Variants in VPS13B observed in about 807,000 individuals in gnomAD.
VPS13B encodes vacuolar protein sorting 13 homolog B.
Under a neutral mutation model 426.4 loss-of-function variants are expected in VPS13B, and 285 were observed. The observed-to-expected ratio is 0.67, with a 90% CI of 0.61 to 0.74. The LOEUF is 0.74. Ranked by LOEUF, VPS13B falls within the 30% of genes least tolerant of loss-of-function variation. The pLI is 0.00. For missense variants in VPS13B, 4,537 were observed against 4,782.6 expected (o/e 0.95, Z 1.51); for synonymous variants, 1,676 against 1,676.4 (o/e 1.00, Z 0.01).
chr8:99,255,064 T>C (rs1001855026), intron 17 of VPS13B, among the ~76,000 whole-genome samples: 2 of 152,176 alleles, frequency 1.3e-5, no homozygotes, highest in African/African-American at 2.4e-5. Context: ...TGTTTTTTTT[T>C]CTATATTTCA....
At chr8:99,851,256 A>G (rs1816279894) in intron 55 of VPS13B, among the ~76,000 whole-genome samples, 1 of 152,212 alleles carries the variant, frequency 6.6e-6, no homozygotes, top group Admixed American at 6.5e-5. Context: ...CATTCAACAA[A>G]TGTTTTTCAA....
At chr8:99,526,374 T>G (rs1047995063) in intron 30 of VPS13B, among the ~76,000 whole-genome samples, 1 of 152,180 alleles carries the variant, frequency 6.6e-6, no homozygotes, top group African/African-American at 2.4e-5. Context: ...ACGTGATTCT[T>G]TTTATACTTA....
intron 17 of VPS13B, among the ~76,000 whole-genome samples, chr8:99,208,764 T>G (rs909105900): frequency 2.6e-5 from 4 of 152,224 alleles, no homozygotes; most frequent in African/African-American, 7.2e-5. Context: ...AGTCCTTTAC[T>G]TTCACAGGAA....
intron 34 of VPS13B, among the ~76,000 whole-genome samples, chr8:99,646,719 A>G (rs1287246298): frequency 6.6e-6 from 1 of 152,176 alleles, no homozygotes; most frequent in Non-Finnish European, 1.5e-5. Flanking sequence ...CAGATTCCTC[A>G]TGAATGGTTT....
intron 21 of VPS13B, among the ~76,000 whole-genome samples, chr8:99,395,268 A>G (rs541341695): frequency 6.6e-6 from 1 of 152,352 alleles, no homozygotes; most frequent in East Asian, 1.9e-4. Context: ...AGCTATGCAG[A>G]GAAAGAGCCC....
chr8:99,733,987 A>G (rs780995775), intron 39 of VPS13B, among the ~76,000 whole-genome samples: 2 of 152,302 alleles, frequency 1.3e-5, no homozygotes, highest in Non-Finnish European at 2.9e-5. Flanking sequence ...TTATCACCTC[A>G]AAAAGAAACT....
intron 19 of VPS13B, among the ~76,000 whole-genome samples, chr8:99,281,799 C>T (rs1033664000): frequency 1.3e-5 from 2 of 152,160 alleles, no homozygotes; most frequent in Admixed American, 6.5e-5. Flanking sequence ...TGTTCCCCTC[C>T]TCGAAGATGT....
intron 25 of VPS13B, among the ~76,000 whole-genome samples, chr8:99,496,026 G>A (rs1444836968): frequency 1.3e-5 from 2 of 152,068 alleles, no homozygotes; most frequent in African/African-American, 2.4e-5. Flanking sequence ...GCATGGATGT[G>A]CGTATAAACA....
intron 4 of VPS13B, among the ~76,000 whole-genome samples, chr8:99,098,170 A>T (rs911386424): frequency 6.6e-6 from 1 of 151,908 alleles, no homozygotes; most frequent in Non-Finnish European, 1.5e-5. Context: ...TTCCCATCTC[A>T]TGCCTACTAT....
At chr8:99,601,029 TG>T (rs1256196209) in intron 33 of VPS13B, among the ~76,000 whole-genome samples, 1 of 152,158 alleles carries the variant, frequency 6.6e-6, no homozygotes, top group Non-Finnish European at 1.5e-5. Context: ...CTTTAAGTTC[TG>T]GGATACATGT....
At chr8:99,351,258 C>T (rs1811862104) in intron 19 of VPS13B, among the ~76,000 whole-genome samples, 1 of 152,144 alleles carries the variant, frequency 6.6e-6, no homozygotes, top group Admixed American at 6.5e-5. Flanking sequence ...TAATCAATCC[C>T]TTTCATGTAT....
At chr8:99,337,963 T>TC (rs1174316696) in intron 19 of VPS13B, among the ~76,000 whole-genome samples, 1 of 152,156 alleles carries the variant, frequency 6.6e-6, no homozygotes, top group East Asian at 1.9e-4. Flanking sequence ...GAAAAGACTT[T>TC]CCCCATTCAG....
chr8:99,316,686 G>A (rs1383693759), intron 19 of VPS13B, among the ~76,000 whole-genome samples: 3 of 152,056 alleles, frequency 2.0e-5, no homozygotes, highest in Non-Finnish European at 4.4e-5. Flanking sequence ...TTCCTTTCTT[G>A]TGTTTTTTCT....
chr8:99,043,909 T>C (rs944244484), intron 3 of VPS13B, among the ~76,000 whole-genome samples: 1 of 152,136 alleles, frequency 6.6e-6, no homozygotes, highest in African/African-American at 2.4e-5. Flanking sequence ...TATCTCACTT[T>C]AACAGTATTC....
intron 16 of VPS13B, among the ~76,000 whole-genome samples, chr8:99,171,588 C>T (rs1275373760): frequency 6.6e-6 from 1 of 151,878 alleles, no homozygotes; most frequent in African/African-American, 2.4e-5. Flanking sequence ...TCAAATGTTA[C>T]TTAAAATATG....
intron 39 of VPS13B, among the ~76,000 whole-genome samples, chr8:99,741,814 C>T (rs1019042906): frequency 8.5e-5 from 13 of 152,122 alleles, no homozygotes; most frequent in Non-Finnish European, 1.5e-4. Context: ...CTCTGGGACA[C>T]ATTCAAAGCA....
intron 35 of VPS13B, among the ~76,000 whole-genome samples, chr8:99,672,974 G>A (rs1191776187): frequency 6.6e-6 from 1 of 151,798 alleles, no homozygotes; most frequent in African/African-American, 2.4e-5. Context: ...GATCATACCT[G>A]TGATGACACC....
At chr8:99,839,828 G>A (rs1013300606) in intron 54 of VPS13B, among the ~76,000 whole-genome samples, 1 of 152,176 alleles carries the variant, frequency 6.6e-6, no homozygotes, top group African/African-American at 2.4e-5. Flanking sequence ...ATCCAGTGGT[G>A]GCTATGAGAA....
At chr8:99,467,766 G>T in intron 24 of VPS13B, 132 bp downstream of exon 24, 1 of 964,818 alleles carries the variant, frequency 1.0e-6, no homozygotes, top group Non-Finnish European at 1.6e-6. Context: ...CAAGATCAGG[G>T]TGGTTAGATT....
Sources: allele counts gnomAD v4.1 joint callset (sites outside exome capture counted in the v4.1 genomes callset), GRCh38; gene constraint gnomAD v4.1.1; transcripts MANE v1.5; gene names NCBI Gene and HGNC (gene_info 2026-07-23, HGNC 2026-07-21).